The following ASAP1 variants were observed in gnomAD, a reference collection of about 807,000 sequenced individuals.
ASAP1 encodes ArfGAP with SH3 domain, ankyrin repeat and PH domain 1.
In ASAP1, 43 loss-of-function variants were observed where a neutral mutation model predicts 145.2. The observed-to-expected ratio is 0.30, with a 90% confidence interval of 0.23 to 0.38. The LOEUF (loss-of-function observed/expected upper bound fraction) is 0.38. ASAP1 is among the 10% of genes least tolerant of loss of function. The pLI is 1.00. For missense variants in ASAP1, 1,018 were observed against 1,355.3 expected, an observed-to-expected ratio of 0.75 and a Z score of 3.91; for synonymous variants, 546 against 515.5, an observed-to-expected ratio of 1.06 and a Z score of -0.80.
Position 130,091,957 on chromosome 8 carries a change from C to T in ASAP1, c.2572+16G>A. On this transcript the variant is annotated intron_variant, in intron 25 of 29. Coordinates refer to ENST00000518721, the MANE Select transcript of ASAP1 (RefSeq NM_018482.4). ...CTGGCCCCAGCAGCTTTGGCCCTGA[C>T]TTTAGGATAACTTACCCCAAGGAAC... 6.6e-7 allele frequency: 1 copy of T among 1,521,612 alleles called. No homozygotes were observed. Among genetic ancestry groups the T allele is most frequent in the African/African-American group, 1.4e-5 (1 of 69,964 alleles). The allele number at this position is 1,521,612 out of a possible 1,614,324, so 94.3% of individuals were successfully genotyped here. A position where few individuals can be genotyped will look rare whatever the true frequency, so the allele number is the denominator to read the frequency against.
chr8:130,401,312 C>A (rs941740736), intron 2 of ASAP1, among the ~76,000 whole-genome samples: 1 of 152,150 alleles, frequency 6.6e-6, no homozygotes, highest in African/African-American at 2.4e-5. Context: ...ATGGTGCAAT[C>A]TTGGCTCACT....
intron 12 of ASAP1, among the ~76,000 whole-genome samples, chr8:130,159,549 G>GAAAAAAAA (rs869060434): frequency 2.4e-5 from 2 of 84,164 alleles, no homozygotes; most frequent in African/African-American, 9.0e-5. Flanking sequence ...GTGAACTCAG[G>GAAAAAAAA]AAAAAAAAAA....
chr8:130,078,044 C>T (rs2097468140), intron 26 of ASAP1, among the ~76,000 whole-genome samples: 1 of 150,600 alleles, frequency 6.6e-6, no homozygotes, highest in South Asian at 2.1e-4. Context: ...GGCTGGAGTG[C>T]AGTGGCGTGA....
chr8:130,209,549 G>GC (rs1816446293), intron 5 of ASAP1, among the ~76,000 whole-genome samples: 1 of 103,748 alleles, frequency 9.6e-6, no homozygotes, highest in Non-Finnish European at 2.1e-5. Flanking sequence ...TGCTCTTACA[G>GC]TAAAAAAAAA....
chr8:130,416,476 C>G (rs563458932), intron 1 of ASAP1, among the ~76,000 whole-genome samples: 1 of 152,326 alleles, frequency 6.6e-6, no homozygotes, highest in East Asian at 1.9e-4. Context: ...CAGCTGCCGA[C>G]CAGTCAACAA....
At chr8:130,158,869 C>A (rs1002701116) in intron 12 of ASAP1, among the ~76,000 whole-genome samples, 4 of 151,862 alleles carry the variant, frequency 2.6e-5, no homozygotes, top group Admixed American at 2.0e-4. Context: ...GTAGCTGGGA[C>A]CACAGGTGCC....
chr8:130,432,910 C>A (rs2138792269), intron 1 of ASAP1, among the ~76,000 whole-genome samples: 1 of 152,262 alleles, frequency 6.6e-6, no homozygotes, highest in East Asian at 1.9e-4. Context: ...ATCTGAAGAT[C>A]AATGTCCTGC....
Position 130,214,628 on chromosome 8 carries a change from G to A in ASAP1, c.333C>T (p.Asn111=). Residue 111 remains asparagine (N), a synonymous_variant, in exon 5 of 30, where the codon AAC becomes AAT. Coordinates refer to ENST00000518721, the MANE Select transcript of ASAP1 (RefSeq NM_018482.4). Reference sequence around the variant, plus strand: ...TGACAAACGCGGTGCCAAGGTCGGGGTTGTCTCGACTTAAAAAATTACTCC... The same window carrying A: ...TGACAAACGCGGTGCCAAGGTCGGGATTGTCTCGACTTAAAAAATTACTCC... ...KFGSNFLSRD[N]PDLGTAFVKF... 3.1e-6 allele frequency: 5 copies of A among 1,612,680 alleles called. No homozygotes were observed. Among genetic ancestry groups the A allele is most frequent in the Non-Finnish European group, 4.2e-6 (5 of 1,179,106 alleles).
chr8:130,126,985 T>C (rs1189389367), intron 16 of ASAP1, among the ~76,000 whole-genome samples: 1 of 152,216 alleles, frequency 6.6e-6, no homozygotes, highest in Non-Finnish European at 1.5e-5. Context: ...GGGATCTTGC[T>C]CACAGGGGTT....
intron 26 of ASAP1, among the ~76,000 whole-genome samples, chr8:130,077,992 C>CTTT (rs555579534): frequency 2.2e-5 from 3 of 139,490 alleles, no homozygotes; most frequent in East Asian, 2.1e-4. Flanking sequence ...TGTTTAAAAA[C>CTTT]TTTTTTTTTT....
At chr8:130,414,358 G>A (rs990982673) in intron 1 of ASAP1, among the ~76,000 whole-genome samples, 1 of 152,208 alleles carries the variant, frequency 6.6e-6, no homozygotes, top group Non-Finnish European at 1.5e-5. Flanking sequence ...CAAACAGGCA[G>A]ATTTGCATTT....
intron 25 of ASAP1, among the ~76,000 whole-genome samples, chr8:130,086,835 T>C (rs886723472): frequency 7.2e-5 from 11 of 152,098 alleles, no homozygotes; most frequent in African/African-American, 2.4e-4. Flanking sequence ...TATGAAGGCA[T>C]GAAATGGAAT....
chr8:130,304,011 A>G (rs1822837994), intron 3 of ASAP1, among the ~76,000 whole-genome samples: 1 of 152,138 alleles, frequency 6.6e-6, no homozygotes, highest in African/African-American at 2.4e-5. Flanking sequence ...TAACTAATGG[A>G]AGATGTTAAC....
chr8:130,304,156 C>T (rs1201437414), intron 3 of ASAP1, among the ~76,000 whole-genome samples: 1 of 151,576 alleles, frequency 6.6e-6, no homozygotes, highest in Non-Finnish European at 1.5e-5. Flanking sequence ...ATTCCATCTC[C>T]ACTGAGAAAC....
intron 2 of ASAP1, among the ~76,000 whole-genome samples, chr8:130,400,809 C>T (rs1828761543): frequency 6.9e-6 from 1 of 144,534 alleles, no homozygotes; most frequent in African/African-American, 2.6e-5. Flanking sequence ...AAAAAAAAGG[C>T]AAGGGTCCTG....
chr8:130,113,146 G>A (rs2097549411), intron 23 of ASAP1, among the ~76,000 whole-genome samples: 1 of 152,148 alleles, frequency 6.6e-6, no homozygotes. Context: ...GCTTCTGACT[G>A]CTTGCACAAA....
intron 3 of ASAP1, among the ~76,000 whole-genome samples, chr8:130,330,168 A>G (rs1376897656): frequency 6.6e-6 from 1 of 152,250 alleles, no homozygotes; most frequent in Non-Finnish European, 1.5e-5. Context: ...ACAAACCCAC[A>G]AAGACAGAGA....
intron 3 of ASAP1, among the ~76,000 whole-genome samples, chr8:130,345,008 A>T (rs1028720190): frequency 6.6e-6 from 1 of 152,158 alleles, no homozygotes; most frequent in African/African-American, 2.4e-5. Context: ...GAAGGGGGAG[A>T]CTGGTTGGCA....
At chr8:130,328,608 GTTCTT>G (rs1328124312) in intron 3 of ASAP1, among the ~76,000 whole-genome samples, 1 of 143,398 alleles carries the variant, frequency 7.0e-6, no homozygotes, top group African/African-American at 2.5e-5. Context: ...TGGCTCAGTA[GTTCTT>G]TTTTTTTTTT....
Sources: allele counts gnomAD v4.1 joint callset (sites outside exome capture counted in the v4.1 genomes callset), GRCh38; gene constraint gnomAD v4.1.1; transcripts MANE v1.5; gene names NCBI Gene and HGNC (gene_info 2026-07-23, HGNC 2026-07-21).